Variants in SGCZ observed in about 807,000 individuals in gnomAD.
SGCZ encodes zeta-sarcoglycan.
SGCZ carries 40 observed loss-of-function variants against 41.3 expected under a neutral mutation model. The observed-to-expected ratio is 0.97, with a 90% CI of 0.75 to 1.26. The LOEUF (loss-of-function observed/expected upper bound fraction) is 1.26. SGCZ is among the 50% of genes most tolerant of loss of function. SGCZ has a pLI of 0.00. For missense variants in SGCZ, 552 were observed against 369.8 expected (o/e 1.49, Z -4.04); for synonymous variants, 206 against 137.5 (o/e 1.50, Z -3.49).
At chr8:15,022,291 A>G (rs944156736) in intron 1 of SGCZ, among the ~76,000 whole-genome samples, 2 of 152,210 alleles carry the variant, frequency 1.3e-5, no homozygotes, top group Non-Finnish European at 2.9e-5. Context: ...GAAAATGTTG[A>G]GAAATTTAGA....
intron 1 of SGCZ, among the ~76,000 whole-genome samples, chr8:15,223,211 C>A (rs115573136): frequency 6.6e-6 from 1 of 152,002 alleles, no homozygotes; most frequent in African/African-American, 2.4e-5. Flanking sequence ...ACCAAAGATA[C>A]GGAAAATAAA....
intron 1 of SGCZ, among the ~76,000 whole-genome samples, chr8:14,706,845 G>C (rs565614555): frequency 6.6e-6 from 1 of 151,848 alleles, no homozygotes; most frequent in Non-Finnish European, 1.5e-5. Flanking sequence ...ACCAGCTGAC[G>C]GTTAGTTTGA....
chr8:14,183,744 C>T (rs1369915516), intron 4 of SGCZ, among the ~76,000 whole-genome samples: 1 of 152,070 alleles, frequency 6.6e-6, no homozygotes, highest in African/African-American at 2.4e-5. Context: ...TGAAAGGTTT[C>T]CCTGTAAACT....
Position 14,353,390 on chromosome 8 carries a change from A to C in SGCZ, c.235-29186T>G, listed in dbSNP as rs77390850. ...CTGTGTAGTGATTTAATCTTGATTC[A>C]TGGCTTTAACAATTATCTCCCTTCT... On this transcript the variant is annotated intron_variant, in intron 2 of 7. Transcript: ENST00000382080. 8.0e-3 allele frequency among the ~76,000 whole-genome samples: 1,214 copies of C among 152,078 alleles called. 14 individuals carry two copies. Among genetic ancestry groups the C allele is most frequent in the African/African-American group, 0.027 (1,110 of 41,492 alleles).
At chr8:15,216,446 T>C (rs1017724018) in intron 1 of SGCZ, among the ~76,000 whole-genome samples, 2 of 151,982 alleles carry the variant, frequency 1.3e-5, no homozygotes, top group African/African-American at 2.4e-5. Context: ...GGTCTCGATC[T>C]CCTGACCTCA....
intron 2 of SGCZ, among the ~76,000 whole-genome samples, chr8:14,422,084 CTT>C (rs1799652000): frequency 6.6e-6 from 1 of 151,974 alleles, no homozygotes; most frequent in African/African-American, 2.4e-5. Context: ...AATGCAAAGT[CTT>C]AACAAATGTG....
chr8:14,353,075 A>T (rs556746162), intron 2 of SGCZ, among the ~76,000 whole-genome samples: 15 of 99,044 alleles, frequency 1.5e-4, no homozygotes, highest in African/African-American at 3.8e-4. Flanking sequence ...TGCACGTTGC[A>T]TGAGTTTGAA....
rs368106402 is a variant in SGCZ, at chr8:14,627,589, AT to A, written c.40-72664del. Reference sequence around the variant, plus strand: ...CTATGTGGTAATAATTCAAGAAATAATTTTTAGCAATATATGGTTATTCCTA... The same window carrying A: ...CTATGTGGTAATAATTCAAGAAATAATTTTAGCAATATATGGTTATTCCTA... On this transcript the variant is annotated intron_variant, in intron 1 of 7. Transcript: ENST00000382080. Among the ~76,000 whole-genome samples the A allele has an allele frequency of 1.7e-4, 26 of 152,232 alleles. 1 individual carries two copies. In the East Asian group the frequency reaches 3.3e-3, roughly 19 times the overall value.
At chr8:14,641,051 A>ATAC (rs1425471190) in intron 1 of SGCZ, among the ~76,000 whole-genome samples, 2 of 151,644 alleles carry the variant, frequency 1.3e-5, no homozygotes, top group Non-Finnish European at 3.0e-5. Flanking sequence ...ACAGGAAGGT[A>ATAC]TACTCTGTTC....
chr8:15,219,172 T>C (rs1339820204), intron 1 of SGCZ, among the ~76,000 whole-genome samples: 1 of 152,230 alleles, frequency 6.6e-6, no homozygotes, highest in Non-Finnish European at 1.5e-5. Context: ...TTAATCATGA[T>C]TTAAATTCAT....
intron 1 of SGCZ, among the ~76,000 whole-genome samples, chr8:14,566,604 G>C (rs977512559): frequency 1.3e-5 from 2 of 152,248 alleles, no homozygotes; most frequent in African/African-American, 4.8e-5. Context: ...AAGAGAAAAT[G>C]ACTGATGCTA....
chr8:14,182,990 A>C (rs1012618588), intron 4 of SGCZ, among the ~76,000 whole-genome samples: 120 of 146,454 alleles, frequency 8.2e-4, no homozygotes, highest in African/African-American at 2.8e-3. Flanking sequence ...AGCCTGGGCA[A>C]CAAAGAGCAA....
At chr8:14,311,088 T>C (rs1246170972) in intron 3 of SGCZ, among the ~76,000 whole-genome samples, 2 of 152,154 alleles carry the variant, frequency 1.3e-5, no homozygotes, top group East Asian at 3.9e-4. Context: ...TTTTTTTTCT[T>C]ACAAACATCA....
In SGCZ at chr8:14,427,318, T is replaced by C. The variant is rs374380930; in HGVS notation, c.235-103114A>G. Among the ~76,000 whole-genome samples, 17 of 152,054 alleles carry C rather than the reference T, an allele frequency of 1.1e-4. No individual in the cohort carries two copies. In the East Asian group the frequency reaches 1.4e-3, roughly 12 times the overall value. ...TACCTGTGTGGCAAACCTACACATG[T>C]ACCCCTGAACTTAAAAGGGAAAAAC... On this transcript the variant is annotated intron_variant, in intron 2 of 7. Coordinates refer to ENST00000382080, the MANE Select transcript of SGCZ (RefSeq NM_139167.4).
intron 1 of SGCZ, among the ~76,000 whole-genome samples, chr8:14,741,709 T>G (rs139716383): frequency 6.6e-6 from 1 of 152,152 alleles, no homozygotes; most frequent in East Asian, 1.9e-4. Context: ...TTTTCTAAAT[T>G]GCTTTTCCAA....
At chr8:15,196,424 A>T (rs1260545906) in intron 1 of SGCZ, among the ~76,000 whole-genome samples, 1 of 152,212 alleles carries the variant, frequency 6.6e-6, no homozygotes. Context: ...CTTAGGAATC[A>T]TGCATGAAAG....
intron 1 of SGCZ, among the ~76,000 whole-genome samples, chr8:14,579,901 T>C (rs1202991771): frequency 6.6e-6 from 1 of 152,152 alleles, no homozygotes; most frequent in African/African-American, 2.4e-5. Context: ...TCTAAGCAGA[T>C]GTTTTATGTG....
rs1009029535 is a variant in SGCZ, at chr8:14,598,326, A to G, written c.40-43400T>C. Among the ~76,000 whole-genome samples, 4 of 151,922 alleles carry G rather than the reference A, an allele frequency of 2.6e-5. No individual in the cohort carries two copies. In the South Asian group the frequency reaches 8.3e-4, roughly 31 times the overall value. On this transcript the variant is annotated intron_variant, in intron 1 of 7. Coordinates refer to ENST00000382080, the MANE Select transcript of SGCZ (RefSeq NM_139167.4). The stretch of plus-strand genomic sequence containing the variant: ...CTTGCGAGTTTGCATATGTCGTTGT[A>G]TACATTCTTTATATATTGTTTACCA...
chr8:15,056,911 T>C (rs1392588575), intron 1 of SGCZ, among the ~76,000 whole-genome samples: 3 of 152,038 alleles, frequency 2.0e-5, no homozygotes, highest in Admixed American at 1.3e-4. Context: ...ACAGGCAAGG[T>C]TTCTGACAGG....
Sources: allele counts gnomAD v4.1 joint callset (sites outside exome capture counted in the v4.1 genomes callset), GRCh38; gene constraint gnomAD v4.1.1; transcripts MANE v1.5; gene names NCBI Gene and HGNC (gene_info 2026-07-23, HGNC 2026-07-21).